Variants in STUM observed in about 807,000 individuals in gnomAD.
STUM encodes stum, mechanosensory transduction mediator homolog.
STUM carries 8 observed loss-of-function variants against 15.3 expected under a neutral mutation model. That is an observed-to-expected ratio of 0.52 (90% CI 0.31 to 0.94). The LOEUF (loss-of-function observed/expected upper bound fraction) is 0.94. STUM is among the 40% of genes least tolerant of loss of function. The pLI, the probability that STUM is intolerant of heterozygous loss-of-function variation, is 0.05. For synonymous variants in STUM, 78 were observed against 88.7 expected, an observed-to-expected ratio of 0.88 and a Z score of 0.68; for missense variants, 142 against 204.9, an observed-to-expected ratio of 0.69 and a Z score of 1.87.
intron 1 of STUM, among the ~76,000 whole-genome samples, chr1:226,560,854 A>G (rs188897358): frequency 6.6e-6 from 1 of 152,320 alleles, no homozygotes; most frequent in Admixed American, 6.5e-5. Context: ...GAAATTTTTC[A>G]GGAGCTCTCC....
chr1:226,565,717 T>G lies in STUM; in HGVS notation c.202+16611T>G, dbSNP rs1667611209. On this transcript the variant is annotated intron_variant, in intron 1 of 3. Transcript: ENST00000366788. The surrounding 1 kb of genome is among the most constrained non-coding windows in gnomAD (Gnocchi z 4.4). ...GGGTAGTTCTGCATACCCCCCATCC[T>G]CCCGTCTCTCGCCCACGCTTGGCTC... Among the ~76,000 whole-genome samples, 1 of 152,070 alleles carries G rather than the reference T, an allele frequency of 6.6e-6. No homozygotes were observed.
chr1:226,589,965 A>G (rs1229947647), intron 1 of STUM, among the ~76,000 whole-genome samples: 2 of 151,870 alleles, frequency 1.3e-5, no homozygotes, highest in African/African-American at 4.8e-5. Context: ...TAAACAAGCA[A>G]TTCCTAGATC....
In STUM at chr1:226,560,156, C is replaced by CA. The variant is rs34070336; in HGVS notation, c.202+11057dup. ...TCTGTCTCAAAACAAACAAACAAGACAAAAAAACACACAAAGTATATGATT... is the reference window on the plus strand; with the variant it reads ...TCTGTCTCAAAACAAACAAACAAGACAAAAAAAACACACAAAGTATATGATT... On this transcript the variant is annotated intron_variant, in intron 1 of 3. Transcript: ENST00000366788. Among the ~76,000 whole-genome samples the CA allele has an allele frequency of 4.6e-5, 7 of 152,052 alleles. 1 individual carries two copies. In the South Asian group the frequency reaches 6.2e-4, roughly 14 times the overall value.
rs544530120 is a variant in STUM, at chr1:226,567,324, C to A, written c.202+18218C>A. On this transcript the variant is annotated intron_variant, in intron 1 of 3. Coordinates refer to ENST00000366788, the MANE Select transcript of STUM (RefSeq NM_001003665.4). The surrounding 1 kb of genome is among the most constrained non-coding windows in gnomAD (Gnocchi z 4.5). ...TCAAACCAGATTCGTTCAAAAAGCC[C>A]ATTTACCACACTACACTGCTAAAAT... 3.9e-4 allele frequency among the ~76,000 whole-genome samples: 60 copies of A among 152,330 alleles called. 2 individuals carry two copies. Among genetic ancestry groups the A allele is most frequent in the South Asian group, 8.3e-4 (4 of 4,822 alleles).
chr1:226,558,329 C>T (rs1190666810), intron 1 of STUM, among the ~76,000 whole-genome samples: 2 of 152,204 alleles, frequency 1.3e-5, no homozygotes, highest in South Asian at 2.1e-4. Context: ...GCAAAATCCC[C>T]TTTGTTCCCA....
chr1:226,596,053 G>A (rs1014440598), intron 1 of STUM, among the ~76,000 whole-genome samples: 3 of 152,182 alleles, frequency 2.0e-5, no homozygotes, highest in South Asian at 2.1e-4. Context: ...GGCCTAACTC[G>A]GTAAAGGTAG....
intron 1 of STUM, among the ~76,000 whole-genome samples, chr1:226,586,524 C>T (rs1336784417): frequency 6.6e-6 from 1 of 152,100 alleles, no homozygotes; most frequent in East Asian, 1.9e-4. Flanking sequence ...ATTAGTGGCA[C>T]CATTATGGCA....
At position 226,576,917 on chromosome 1, in the gene STUM, A is replaced by T. The variant is rs139266770; in HGVS notation, c.203-19885A>T. 9.2e-5 allele frequency among the ~76,000 whole-genome samples: 14 copies of T among 152,352 alleles called. No individual in the cohort carries two copies. In the East Asian group the frequency reaches 2.7e-3, roughly 29 times the overall value. On this transcript the variant is annotated intron_variant, in intron 1 of 3. Coordinates refer to ENST00000366788, the MANE Select transcript of STUM (RefSeq NM_001003665.4). ...GCCAGGCATTGCACTGGTGCCTAGA[A>T]TATAAAGGGGAGTAAATGCAACCCT...
intron 1 of STUM, among the ~76,000 whole-genome samples, chr1:226,577,947 T>C (rs1667847115): frequency 6.6e-6 from 1 of 152,178 alleles, no homozygotes. Context: ...GGGCCTGGCC[T>C]ACCCTTTTCT....
chr1:226,604,497 G>A lies in STUM; in HGVS notation c.*2457G>A, dbSNP rs1043135693. The A allele has an allele frequency of 2.6e-5, 4 of 152,244 alleles. No homozygotes were observed. Among genetic ancestry groups the A allele is most frequent in the African/African-American group, 9.7e-5 (4 of 41,450 alleles). 9.4% of individuals were successfully genotyped at this position (152,244 alleles called of 1,614,324 possible). On this transcript the variant is annotated 3_prime_UTR_variant, in exon 4 of 4. Transcript: ENST00000366788. This position sits in a 1 kb window ranked among gnomAD's most constrained non-coding sequence, Gnocchi z 4.7. ...CCTGTCTCCTGAATGAGGCTGTGAG[G>A]GTTGCCATGTGGGCGGGACCGGTTC...
At chr1:226,554,608 G>A (rs1667419771) in intron 1 of STUM, among the ~76,000 whole-genome samples, 1 of 152,146 alleles carries the variant, frequency 6.6e-6, no homozygotes, top group African/African-American at 2.4e-5. Flanking sequence ...GATAGGTAAT[G>A]TCTGAATTTG....
rs1668302278 is a variant in STUM, at chr1:226,603,269, A to G, written c.*1229A>G. 3 of 152,194 alleles carry G rather than the reference A, an allele frequency of 2.0e-5. No individual in the cohort carries two copies. The allele number at this position is 152,194 out of a possible 1,614,324, so 9.4% of individuals were successfully genotyped here. A position where few individuals can be genotyped will look rare whatever the true frequency, so the allele number is the denominator to read the frequency against. The stretch of plus-strand genomic sequence containing the variant: ...TTGCCAAAAGACCATGGGCCTCTTT[A>G]AGGAGCCCCTCTGTAAGTGATTGGG... On this transcript the variant is annotated 3_prime_UTR_variant, in exon 4 of 4. Transcript: ENST00000366788.
At chr1:226,564,127 G>A (rs968210034) in intron 1 of STUM, among the ~76,000 whole-genome samples, 7 of 152,200 alleles carry the variant, frequency 4.6e-5, no homozygotes, top group East Asian at 3.8e-4. Flanking sequence ...TGAGTCTGGC[G>A]AGATACCCAA....
intron 2 of STUM, among the ~76,000 whole-genome samples, chr1:226,597,659 C>G (rs1452823779): frequency 6.6e-6 from 1 of 152,154 alleles, no homozygotes; most frequent in East Asian, 1.9e-4. Flanking sequence ...AGTTCAGGAT[C>G]CTGTGAATAT....
At chr1:226,566,409 T>C (rs1345215350) in intron 1 of STUM, among the ~76,000 whole-genome samples, 2 of 152,312 alleles carry the variant, frequency 1.3e-5, no homozygotes, top group East Asian at 1.9e-4. Flanking sequence ...GGTTTTATAA[T>C]AGAGATTCAG....
rs904410839 is a variant in STUM, at chr1:226,565,562, G to T, written c.202+16456G>T. Among the ~76,000 whole-genome samples the T allele has an allele frequency of 6.6e-6, 1 of 152,210 alleles. No individual in the cohort carries two copies. Among genetic ancestry groups the T allele is most frequent in the African/African-American group, 2.4e-5 (1 of 41,438 alleles). On this transcript the variant is annotated intron_variant, in intron 1 of 3. Transcript: ENST00000366788. This position sits in a 1 kb window ranked among gnomAD's most constrained non-coding sequence, Gnocchi z 4.4. ...GAAACAGCCAGTACATGGAGCCAGG[G>T]CTTCCTGCCGTCTGAAAAGTGTGGG... is the stretch of plus-strand genomic sequence containing the variant.
chr1:226,581,631 A>T lies in STUM; in HGVS notation c.203-15171A>T, dbSNP rs537019729. Among the ~76,000 whole-genome samples the T allele has an allele frequency of 2.6e-4, 39 of 152,168 alleles. No homozygotes were observed. The South Asian group carries it at 7.7e-3, about 30-fold the overall frequency. Reference sequence around the variant, plus strand: ...CACTCTGTTGCCCAGGCTGGAGTGCAGTGGGCAGGAGTACACACAGAGATG... The same window carrying T: ...CACTCTGTTGCCCAGGCTGGAGTGCTGTGGGCAGGAGTACACACAGAGATG... On this transcript the variant is annotated intron_variant, in intron 1 of 3. Coordinates refer to ENST00000366788, the MANE Select transcript of STUM (RefSeq NM_001003665.4).
chr1:226,564,035 G>A (rs1347879137), intron 1 of STUM, among the ~76,000 whole-genome samples: 3 of 152,224 alleles, frequency 2.0e-5, no homozygotes, highest in African/African-American at 7.2e-5. Flanking sequence ...GCTGAACTCT[G>A]AGGCTGATAC....
intron 1 of STUM, among the ~76,000 whole-genome samples, chr1:226,576,512 T>C (rs74139703): frequency 0.028 from 4,251 of 152,336 alleles, 171 homozygotes; most frequent in African/African-American, 0.091. Flanking sequence ...CTTGCCAAGG[T>C]TGCCAATGAC....
Sources: gnomAD v4.1 joint callset for allele counts (sites outside exome capture counted in the v4.1 genomes callset) on GRCh38, gnomAD v4.1.1 for gene constraint, Gnocchi (gnomAD v3.1) non-coding constraint, MANE v1.5 for transcripts, NCBI Gene and HGNC (gene_info 2026-07-23, HGNC 2026-07-21) for gene names.